Variants in NOL9 observed in about 807,000 individuals in gnomAD.
The protein encoded by NOL9 is nucleolar protein 9.
A neutral mutation model predicts 67.9 loss-of-function variants in NOL9; 28 were observed. That is an observed-to-expected ratio of 0.41 (90% CI 0.31 to 0.57). NOL9 has a LOEUF of 0.57. Among genes scored for constraint, NOL9 ranks in the 20% least tolerant of loss-of-function variants. NOL9 has a pLI of 0.25. For missense variants in NOL9, 777 were observed against 897.0 expected, an observed-to-expected ratio of 0.87 and a Z score of 1.71; for synonymous variants, 356 against 352.2, an observed-to-expected ratio of 1.01 and a Z score of -0.12.
At chr1:6,550,374 A>G in intron 2 of NOL9, 22 bp downstream of exon 2, 1 of 1,601,176 alleles carries the variant, frequency 6.2e-7, no homozygotes, top group Non-Finnish European at 8.6e-7. Flanking sequence ...CCCTCAGTAA[A>G]TTACCCAGTT....
rs747695117 is a variant in NOL9 at position 6,532,707 on chromosome 1, C to T, written c.1291G>A (p.Val431Met). Reference protein sequence around the residue: ...DLIRLLSPSHVVQFRSDHSKY... With the variant: ...DLIRLLSPSHMVQFRSDHSKY... ...CTGTGGTCAGAGCGGAACTGAACCA[C>T]GTGGCTGGGAGACAGCAATCGGATC... Residue 431 changes from valine to methionine, a missense_variant, in exon 8 of 12, where the codon GTG (valine) becomes ATG (methionine). Physicochemically the swap from Val to Met is conservative, Grantham distance 21 (BLOSUM62 1). This residue lies in a region of NOL9 where 413 missense variants were observed against 552.6 expected (regional missense o/e 0.75). Transcript: ENST00000377705. 1.8e-5 allele frequency: 29 copies of T among 1,614,052 alleles called. No individual in the cohort carries two copies. Among genetic ancestry groups the T allele is most frequent in the South Asian group, 3.3e-5 (3 of 91,092 alleles).
At chr1:6,531,036 G>A (rs1639014433) in intron 9 of NOL9, among the ~76,000 whole-genome samples, 1 of 152,214 alleles carries the variant, frequency 6.6e-6, no homozygotes, top group African/African-American at 2.4e-5. Context: ...GCTTAGAACA[G>A]AGTACTGCAC....
At chr1:6,542,230 G>A (rs568409056) in intron 5 of NOL9, among the ~76,000 whole-genome samples, 126 of 150,950 alleles carry the variant, frequency 8.3e-4, no homozygotes, top group African/African-American at 2.9e-3. Flanking sequence ...GCACAATCTC[G>A]GCTCACTGCA....
intron 6 of NOL9, among the ~76,000 whole-genome samples, chr1:6,533,942 C>A (rs1441345263): frequency 6.6e-6 from 1 of 151,456 alleles, no homozygotes; most frequent in Non-Finnish European, 1.5e-5. Flanking sequence ...GGCTGGACTG[C>A]AATGGTGCGA....
intron 3 of NOL9, 38 bp downstream of exon 3, chr1:6,549,533 A>G (rs762918620): frequency 1.2e-6 from 2 of 1,608,064 alleles, no homozygotes; most frequent in African/African-American, 2.7e-5. Flanking sequence ...GTTTTGGTGC[A>G]AGTAATTAGC....
In NOL9 at chr1:6,525,848, C is replaced by T. The variant is rs12142404; in HGVS notation, c.*6G>A. Reference sequence around the variant, plus strand: ...AAAGTTTCTTCCCTTATTAAAAACGCGAGCATCACTTCATTTTTCGACAGA... The same window carrying T: ...AAAGTTTCTTCCCTTATTAAAAACGTGAGCATCACTTCATTTTTCGACAGA... On this transcript the variant is annotated 3_prime_UTR_variant, in exon 12 of 12. Transcript: ENST00000377705. 11,432 of 1,613,694 alleles carry T rather than the reference C, an allele frequency of 7.1e-3. 70 individuals are homozygous for T. The highest frequency in any genetic ancestry group is 7.6e-3 in the Non-Finnish European group (8,950 of 1,179,796).
Position 6,544,981 on chromosome 1 carries a change from T to C in NOL9, c.881-59A>G, listed in dbSNP as rs1639388324. 7 of 1,614,008 alleles carry C rather than the reference T, an allele frequency of 4.3e-6. No individual in the cohort carries two copies. In the African/African-American group the frequency reaches 6.7e-5, roughly 15 times the overall value. On this transcript the variant is annotated intron_variant, in intron 4 of 11. Transcript: ENST00000377705. ...AGCCGTCTTCCTTGGACTCGAATTATGACTAATCTTCCTCTGGGGGTCTGG... is the reference window on the plus strand; with the variant it reads ...AGCCGTCTTCCTTGGACTCGAATTACGACTAATCTTCCTCTGGGGGTCTGG...
rs1375115606 is a variant in NOL9, at chr1:6,545,137, G to A, written c.788C>T (p.Ser263Phe). 2 of 1,613,964 alleles carry A rather than the reference G, an allele frequency of 1.2e-6. No individual in the cohort carries two copies. The highest frequency in any genetic ancestry group is 1.7e-6 in the Non-Finnish European group (2 of 1,179,994). The change falls in exon 4 of 12, where the codon TCT becomes TTT. Residue 263 changes from serine to phenylalanine, a missense_variant. Physicochemically the swap from Ser to Phe is radical, Grantham distance 155. Around this residue, in one of 2 missense-constraint regions of NOL9, gnomAD observed 413 missense variants for 552.6 expected, o/e 0.75. Transcript: ENST00000377705. ...TTTTTTCTCTCTTCTGATGCCAACA[G>A]ACCTCAAGGCTAAATATTCAGGTTT... ...QIKPEYLALRSVGIRREKKRK... is the reference protein window; with the variant it reads ...QIKPEYLALRFVGIRREKKRK...
At chr1:6,549,726 G>C in intron 2 of NOL9, 28 bp from the exon 3 acceptor site, 1 of 1,607,500 alleles carries the variant, frequency 6.2e-7, no homozygotes, top group Non-Finnish European at 8.5e-7. Context: ...AACCACCTTA[G>C]AAGCAGTAAC....
chr1:6,526,745 C>T lies in NOL9; in HGVS notation c.1910G>A (p.Cys637Tyr). ...VPPEELRTVN[C>Y]LLVGAIAIPH... The stretch of plus-strand genomic sequence containing the variant: ...AATGGCAATAGCTCCAACGAGCAGA[C>T]AATTCACGGTCCTTAGCTCTTCCGG... The change falls in exon 11 of 12, where the codon TGT becomes TAT. Residue 637 changes from cysteine to tyrosine, a missense_variant. Cys to Tyr is a radical substitution (Grantham distance 194, BLOSUM62 -2). Around this residue, in one of 2 missense-constraint regions of NOL9, gnomAD observed 413 missense variants for 552.6 expected, o/e 0.75. Coordinates refer to ENST00000377705, the MANE Select transcript of NOL9 (RefSeq NM_024654.5). 2 of 1,613,952 alleles carry T rather than the reference C, an allele frequency of 1.2e-6. No homozygotes were observed. Among genetic ancestry groups the T allele is most frequent in the Non-Finnish European group, 1.7e-6 (2 of 1,179,914 alleles).
At position 6,525,734 on chromosome 1, in the gene NOL9, A is replaced by G; in HGVS notation, c.*120T>C. On this transcript the variant is annotated 3_prime_UTR_variant, in exon 12 of 12. Coordinates refer to ENST00000377705, the MANE Select transcript of NOL9 (RefSeq NM_024654.5). ...TATGACATTCACGAATTACACAAAA[A>G]ACACTGTTGCTAATAAGGGCACCAT... is the stretch of plus-strand genomic sequence containing the variant. 9.8e-7 allele frequency: 1 copy of G among 1,023,688 alleles called. No homozygotes were observed. The highest frequency in any genetic ancestry group is 2.4e-5 in the East Asian group (1 of 42,066). 63.4% of individuals were successfully genotyped at this position (1,023,688 alleles called of 1,614,324 possible).
At chr1:6,553,962 C>T (rs557810355) in intron 1 of NOL9, 145 bp downstream of exon 1, 1 of 628,176 alleles carries the variant, frequency 1.6e-6, no homozygotes, top group Non-Finnish European at 2.6e-6. Flanking sequence ...TTGCCACCAA[C>T]CATCAAGAGG....
chr1:6,527,244 CA>C (rs34234306), intron 10 of NOL9, among the ~76,000 whole-genome samples: 36,416 of 101,382 alleles, frequency 0.36, 5,556 homozygotes, highest in Admixed American at 0.48. Context: ...GAGACTGTCT[CA>C]AAAAAAAAAA....
chr1:6,525,592 GCACA>G lies in NOL9; in HGVS notation c.*258_*261del. On this transcript the variant is annotated 3_prime_UTR_variant, in exon 12 of 12. Transcript: ENST00000377705. ...TTTCTGAGGAATCTCTGTTTTAATGGCACACAAACTGTTCTCTGCTGTTTTACTC... is the reference window on the plus strand; with the variant it reads ...TTTCTGAGGAATCTCTGTTTTAATGGCAAACTGTTCTCTGCTGTTTTACTC... 2.3e-6 allele frequency: 1 copy of G among 428,718 alleles called. No individual in the cohort carries two copies. Among genetic ancestry groups the G allele is most frequent in the Non-Finnish European group, 4.2e-6 (1 of 240,502 alleles). 26.6% of individuals were successfully genotyped at this position (428,718 alleles called of 1,614,324 possible).
chr1:6,538,068 T>A (rs1639196515), intron 6 of NOL9, among the ~76,000 whole-genome samples: 1 of 143,768 alleles, frequency 7.0e-6, no homozygotes, highest in African/African-American at 2.6e-5. Context: ...AATAAAAAAA[T>A]TTAAAAAGTT....
chr1:6,554,298 C>T lies in NOL9; in HGVS notation c.205G>A (p.Val69Met). 1 of 1,477,022 alleles carries T rather than the reference C, an allele frequency of 6.8e-7. No homozygotes were observed. Among genetic ancestry groups the T allele is most frequent in the Admixed American group, 2.5e-5 (1 of 40,306 alleles). The allele number at this position is 1,477,022 out of a possible 1,614,324, so 91.5% of individuals were successfully genotyped here. A position where few individuals can be genotyped will look rare whatever the true frequency, so the allele number is the denominator to read the frequency against. The stretch of plus-strand genomic sequence containing the variant: ...CTCCGGGCCGCCGCCGCGCGCGACA[C>T]CTGGCGGGCTCCCTCCCTCCAGTCC... The part of the protein sequence containing the change: ...GVDWREGARQ[V>M]SRAAAARRPN... Residue 69 changes from valine to methionine, a missense_variant, in exon 1 of 12, where the codon GTG becomes ATG. This residue lies in a region of NOL9 where 364 missense variants were observed against 344.4 expected (regional missense o/e 1.06). Transcript: ENST00000377705.
chr1:6,544,152 G>T (rs1336186692), intron 5 of NOL9, among the ~76,000 whole-genome samples: 1 of 151,632 alleles, frequency 6.6e-6, no homozygotes, highest in Non-Finnish European at 1.5e-5. Context: ...GTGTGGTGGT[G>T]CGCTAGTGTG....
At chr1:6,528,179 G>A (rs531080914) in intron 10 of NOL9, among the ~76,000 whole-genome samples, 98 of 149,216 alleles carry the variant, frequency 6.6e-4, no homozygotes, top group African/African-American at 2.5e-3. Context: ...AGGAAACCAG[G>A]GCAGGTCAAG....
At position 6,554,238 on chromosome 1, in the gene NOL9, G is replaced by C; in HGVS notation, c.265C>G (p.Pro89Ala). Residue 89 changes from proline (P) to alanine (A), a missense_variant, in exon 1 of 12, where the codon CCG becomes GCG. By Grantham distance (27) the Pro-to-Ala change is conservative. Around this residue, in one of 2 missense-constraint regions of NOL9, gnomAD observed 364 missense variants for 344.4 expected, o/e 1.06. Transcript: ENST00000377705. ...GACTCGGGTTCGGAGGCCGGGGTCG[G>C]GCTAGGGATCGGGCTGGGGGTCGCG... ...NTATPSPIPS[P>A]TPASEPESEP... 6.6e-7 allele frequency: 1 copy of C among 1,509,500 alleles called. No individual in the cohort carries two copies. The highest frequency in any genetic ancestry group is 8.9e-7 in the Non-Finnish European group (1 of 1,128,664). The allele number at this position is 1,509,500 out of a possible 1,614,324, so 93.5% of individuals were successfully genotyped here.
Sources: allele counts gnomAD v4.1 joint callset (sites outside exome capture counted in the v4.1 genomes callset), GRCh38; gene constraint gnomAD v4.1.1; regional missense constraint gnomAD v4.1.1; transcripts MANE v1.5; gene names NCBI Gene and HGNC (gene_info 2026-07-23, HGNC 2026-07-21).